EYS: variants seen among roughly 807,000 people sequenced by gnomAD.
EYS encodes the protein protein eyes shut homolog.
A neutral mutation model predicts 282.1 loss-of-function variants in EYS; 250 were observed. The observed-to-expected ratio is 0.89, with a 90% confidence interval of 0.80 to 0.98. EYS has a LOEUF of 0.98. EYS is among the 50% of genes least tolerant of loss of function. EYS has a pLI of 0.00. For missense variants in EYS, 4,016 were observed against 3,709.0 expected (o/e 1.08, Z -2.15); for synonymous variants, 1,355 against 1,282.9 (o/e 1.06, Z -1.20).
At chr6:63,859,098 TTTTTTTTTTTTTTA>T (rs1772470534) in intron 36 of EYS, among the ~76,000 whole-genome samples, 1 of 126,860 alleles carries the variant, frequency 7.9e-6, no homozygotes, top group African/African-American at 3.0e-5. Context: ...TTTTTTTTTT[TTTTTTTTTTTTTTA>T]ATAGCTGGGA....
chr6:64,085,315 C>A (rs910217566), intron 31 of EYS, among the ~76,000 whole-genome samples: 2 of 137,818 alleles, frequency 1.5e-5, no homozygotes, highest in Non-Finnish European at 3.0e-5. Context: ...TCCTTCCAGA[C>A]GCGCGCGCGT....
At chr6:65,451,078 T>C (rs538673361) in intron 5 of EYS, among the ~76,000 whole-genome samples, 1 of 152,250 alleles carries the variant, frequency 6.6e-6, no homozygotes, top group South Asian at 2.1e-4. Flanking sequence ...GGTATTAGTG[T>C]TGTTATCACT....
chr6:64,975,714 TC>T (rs1413499431), intron 14 of EYS, among the ~76,000 whole-genome samples: 1 of 151,860 alleles, frequency 6.6e-6, no homozygotes, highest in Non-Finnish European at 1.5e-5. Flanking sequence ...AAGCTGAATC[TC>T]CTAAAAATCC....
At chr6:64,537,799 GTTC>G (rs1764574469) in intron 26 of EYS, among the ~76,000 whole-genome samples, 1 of 151,906 alleles carries the variant, frequency 6.6e-6, no homozygotes, top group Non-Finnish European at 1.5e-5. Context: ...TTATTCTTTT[GTTC>G]TTGACTTTCC....
intron 31 of EYS, among the ~76,000 whole-genome samples, chr6:64,187,770 CT>C (rs1478093702): frequency 2.6e-5 from 4 of 152,028 alleles, no homozygotes; most frequent in Admixed American, 6.6e-5. Context: ...CTTTTAGCTT[CT>C]TTAGCTTTCT....
intron 11 of EYS, among the ~76,000 whole-genome samples, chr6:65,322,139 C>T (rs1215764637): frequency 6.6e-6 from 1 of 152,126 alleles, no homozygotes; most frequent in Non-Finnish European, 1.5e-5. Context: ...ATAATTTACC[C>T]TGAAACTGGA....
chr6:63,786,224 GGTAAA>G (rs1334612337), intron 39 of EYS: 3 of 144,030 alleles, frequency 2.1e-5, no homozygotes, highest in African/African-American at 7.7e-5. Flanking sequence ...AAAAAAAAAA[GGTAAA>G]GTAAAATAAA....
At chr6:64,944,910 T>C (rs958154356) in intron 15 of EYS, among the ~76,000 whole-genome samples, 2 of 152,190 alleles carry the variant, frequency 1.3e-5, no homozygotes, top group Non-Finnish European at 1.5e-5. Context: ...TGTCCAGTCA[T>C]AGTACCTTCC....
At chr6:65,429,729 A>AT (rs199829669) in intron 5 of EYS, among the ~76,000 whole-genome samples, 2,427 of 150,780 alleles carry the variant, frequency 0.016, 35 homozygotes, top group East Asian at 0.04. Context: ...ATTGAGAATG[A>AT]TTTTTTTTTT....
chr6:64,038,553 C>T (rs1018125311), intron 33 of EYS, among the ~76,000 whole-genome samples: 1 of 151,856 alleles, frequency 6.6e-6, no homozygotes, highest in Non-Finnish European at 1.5e-5. Flanking sequence ...TCCAGTACTT[C>T]ATTGTGCAAT....
intron 32 of EYS, among the ~76,000 whole-genome samples, chr6:64,077,013 A>G (rs559167217): frequency 2.0e-5 from 3 of 152,074 alleles, no homozygotes; most frequent in East Asian, 3.9e-4. Context: ...CATTTTAGGC[A>G]CTCAGAATTT....
chr6:64,078,637 C>A (rs1165001169), intron 32 of EYS, among the ~76,000 whole-genome samples: 3 of 151,996 alleles, frequency 2.0e-5, no homozygotes, highest in Non-Finnish European at 4.4e-5. Context: ...GAGTAAACAG[C>A]TTTGATGTGT....
At chr6:64,791,214 T>C (rs1774180958) in intron 22 of EYS, among the ~76,000 whole-genome samples, 1 of 151,870 alleles carries the variant, frequency 6.6e-6, no homozygotes, top group Non-Finnish European at 1.5e-5. Context: ...TTACAAGTTT[T>C]ATAAAATTTG....
intron 31 of EYS, among the ~76,000 whole-genome samples, chr6:64,115,883 T>C (rs979779361): frequency 2.0e-5 from 3 of 152,140 alleles, no homozygotes; most frequent in Non-Finnish European, 4.4e-5. Context: ...AAATTCAAAA[T>C]ATTAGGTTGG....
chr6:65,621,336 T>C (rs1028233641), intron 2 of EYS, among the ~76,000 whole-genome samples: 11 of 152,124 alleles, frequency 7.2e-5, no homozygotes, highest in Admixed American at 6.5e-4. Flanking sequence ...TTGATCTTTG[T>C]TGGTTTAAAG....
At chr6:65,423,888 G>A (rs1340810165) in intron 5 of EYS, among the ~76,000 whole-genome samples, 1 of 151,924 alleles carries the variant, frequency 6.6e-6, no homozygotes, top group East Asian at 1.9e-4. Flanking sequence ...TTATCCCTGA[G>A]AGTGTTTATT....
chr6:64,965,943 G>A (rs1313716549), intron 14 of EYS, among the ~76,000 whole-genome samples: 3 of 127,072 alleles, frequency 2.4e-5, no homozygotes, highest in Non-Finnish European at 4.9e-5. Context: ...AATAGCTGCT[G>A]AAAATTGTGA....
chr6:64,862,911 A>T (rs941621585), intron 19 of EYS, among the ~76,000 whole-genome samples: 1 of 152,220 alleles, frequency 6.6e-6, no homozygotes, highest in Middle Eastern at 3.4e-3. Context: ...GATTTCCATG[A>T]GACTTCGTGA....
chr6:65,668,263 G>T (rs1250362391), intron 1 of EYS, among the ~76,000 whole-genome samples: 1 of 151,764 alleles, frequency 6.6e-6, no homozygotes, highest in Non-Finnish European at 1.5e-5. Context: ...GTGTTTAAAA[G>T]TACCCTAAAA....
Sources: gnomAD v4.1 joint callset for allele counts (sites outside exome capture counted in the v4.1 genomes callset) on GRCh38, gnomAD v4.1.1 for gene constraint, MANE v1.5 for transcripts, NCBI Gene and HGNC (gene_info 2026-07-23, HGNC 2026-07-21) for gene names.